HEATR4: variants seen among roughly 807,000 people sequenced by gnomAD.
HEATR4 encodes the protein HEAT repeat-containing protein 4.
Under a neutral mutation model 108.8 loss-of-function variants are expected in HEATR4, and 95 were observed. The ratio of observed to expected loss-of-function variants is 0.87; its 90% confidence interval spans 0.74 to 1.04. The LOEUF is 1.04. HEATR4 is among the 50% of genes least tolerant of loss of function. The pLI is 0.00. For synonymous variants in HEATR4, 443 were observed against 459.4 expected, an observed-to-expected ratio of 0.96 and a Z score of 0.46; for missense variants, 1,152 against 1,253.8, an observed-to-expected ratio of 0.92 and a Z score of 1.23.
intron 13 of HEATR4, among the ~76,000 whole-genome samples, chr14:73,498,816 A>T (rs1886250325): frequency 6.6e-6 from 1 of 152,250 alleles, no homozygotes; most frequent in Non-Finnish European, 1.5e-5. Context: ...CTTGGAACTT[A>T]TCCTTAATTC....
the HEATR4 span, among the ~76,000 whole-genome samples, chr14:73,565,138 C>T: frequency 6.6e-6 from 1 of 152,028 alleles, no homozygotes; most frequent in East Asian, 1.9e-4. Flanking sequence ...CAAATATTTA[C>T]ACACATTCAT....
chr14:73,559,815 C>T (rs1200116013), upstream of HEATR4, among the ~76,000 whole-genome samples: 3 of 152,088 alleles, frequency 2.0e-5, no homozygotes, highest in Non-Finnish European at 2.9e-5. Context: ...TTTATAAATC[C>T]TGAGAAAGAG....
chr14:73,575,025 A>G, the HEATR4 span: 1 of 1,593,110 alleles, frequency 6.3e-7, no homozygotes, highest in East Asian at 2.3e-5. Flanking sequence ...CTCTGTGGCC[A>G]ATGTTGGGGG....
At chr14:73,491,684 T>C (rs1885759115) in intron 17 of HEATR4, 4 of 1,549,812 alleles carry the variant, frequency 2.6e-6, no homozygotes, top group Non-Finnish European at 2.6e-6. Context: ...CCGGCGCCTA[T>C]GGGAGCGCGA....
chr14:73,489,130 G>A (rs1207610393), intron 17 of HEATR4, among the ~76,000 whole-genome samples: 1 of 152,166 alleles, frequency 6.6e-6, no homozygotes, highest in African/African-American at 2.4e-5. Flanking sequence ...CTGACATTTT[G>A]CATCAGACAA....
the HEATR4 span, among the ~76,000 whole-genome samples, chr14:73,590,082 A>G: frequency 1.3e-5 from 2 of 152,134 alleles, no homozygotes; most frequent in Non-Finnish European, 2.9e-5. Flanking sequence ...CCTTCCCGCA[A>G]CGTAGAAAAG....
intron 1 of HEATR4, among the ~76,000 whole-genome samples, chr14:73,531,835 C>T (rs1888717952): frequency 9.0e-6 from 1 of 111,486 alleles, no homozygotes. Context: ...GCCTGACCAA[C>T]ATGGTGAAAC....
chr14:73,589,673 G>A, the HEATR4 span, among the ~76,000 whole-genome samples: 3 of 152,214 alleles, frequency 2.0e-5, no homozygotes, highest in South Asian at 4.2e-4. Context: ...GTATGGCCAG[G>A]CACGGCAGGT....
chr14:73,612,733 C>T, the HEATR4 span: 1 of 1,371,906 alleles, frequency 7.3e-7, no homozygotes, highest in Non-Finnish European at 9.3e-7. Context: ...GCTACCGTGC[C>T]GACGCCCGCG....
the HEATR4 span, among the ~76,000 whole-genome samples, chr14:73,599,677 G>A: frequency 2.6e-5 from 4 of 152,136 alleles, no homozygotes; most frequent in Admixed American, 2.6e-4. Flanking sequence ...CTTTGTCTTG[G>A]AAGCTATTAT....
the HEATR4 span, chr14:73,593,889 G>A: frequency 6.2e-7 from 1 of 1,612,174 alleles, no homozygotes; most frequent in East Asian, 2.2e-5. Flanking sequence ...TATGCTACAT[G>A]CTTCAACATC....
chr14:73,487,140 A>T (rs2140243894), intron 17 of HEATR4, among the ~76,000 whole-genome samples: 1 of 144,936 alleles, frequency 6.9e-6, no homozygotes, highest in East Asian at 2.5e-4. Context: ...AAAGAATGTC[A>T]ATTTCCTTTG....
chr14:73,591,971 G>A, the HEATR4 span: 2 of 1,394,514 alleles, frequency 1.4e-6, no homozygotes, highest in Admixed American at 3.8e-5. Context: ...TGTCAGCAAC[G>A]CTGATCCTGG....
At chr14:73,491,558 T>G in intron 17 of HEATR4, 2 of 1,539,202 alleles carry the variant, frequency 1.3e-6, no homozygotes, top group Non-Finnish European at 1.7e-6. Flanking sequence ...GGAGCCGGCC[T>G]GGGACTCCCC....
At position 73,555,653 on chromosome 14, in the gene HEATR4, T is replaced by C. The variant is rs892014895; in HGVS notation, c.-152+3098A>G. Among the ~76,000 whole-genome samples, 7 of 115,316 alleles carry C rather than the reference T, an allele frequency of 6.1e-5. 1 individual carries two copies. Among genetic ancestry groups the C allele is most frequent in the Admixed American group, 2.0e-4 (2 of 10,236 alleles). 75.7% of individuals were successfully genotyped at this position (115,316 alleles called of 152,430 possible). On this transcript the variant is annotated intron_variant, in intron 1 of 17. Coordinates refer to ENST00000553558, the MANE Select transcript of HEATR4 (RefSeq NM_001220484.1). Reference sequence around the variant, plus strand: ...GCTTCTAAGGCAGGGGGCAATTTGATCCTAAACAGTTGAAAAATGGGATGA... The same window carrying C: ...GCTTCTAAGGCAGGGGGCAATTTGACCCTAAACAGTTGAAAAATGGGATGA...
At chr14:73,484,234 C>T (rs2140241422) in intron 17 of HEATR4, among the ~76,000 whole-genome samples, 1 of 151,912 alleles carries the variant, frequency 6.6e-6, no homozygotes, top group East Asian at 1.9e-4. Context: ...TATGAGCAAG[C>T]AAAAGAGTTG....
chr14:73,517,592 C>T (rs1479173344), intron 5 of HEATR4: 1 of 142,898 alleles, frequency 7.0e-6, no homozygotes, highest in Non-Finnish European at 1.5e-5. Context: ...TGCTTGAGCT[C>T]AGGAAGGTAA....
At chr14:73,562,824 G>A (rs145312921), upstream of HEATR4, among the ~76,000 whole-genome samples, 302 of 151,980 alleles carry the variant, frequency 2.0e-3, 5 homozygotes, top group African/African-American at 6.7e-3. Context: ...CTCCAACCCC[G>A]TTTTCTGTTG....
chr14:73,619,271 A>G, the HEATR4 span: 2 of 1,599,626 alleles, frequency 1.3e-6, no homozygotes, highest in Non-Finnish European at 1.7e-6. Context: ...GGATTTTCCA[A>G]AGGAGGTGAC....
Sources: gnomAD v4.1 joint callset for allele counts (sites outside exome capture counted in the v4.1 genomes callset) on GRCh38, gnomAD v4.1.1 for gene constraint, MANE v1.5 for transcripts, NCBI Gene and HGNC (gene_info 2026-07-23, HGNC 2026-07-21) for gene names.